MSR1: variants seen among roughly 807,000 people sequenced by gnomAD.
The protein encoded by MSR1 is macrophage scavenger receptor 1, also known as macrophage scavenger receptor types I and II.
A neutral mutation model predicts 47.2 loss-of-function variants in MSR1; 53 were observed. The observed-to-expected ratio is 1.12, with a 90% confidence interval of 0.90 to 1.41. The LOEUF (loss-of-function observed/expected upper bound fraction) is 1.41. Among genes scored for constraint, MSR1 ranks in the 40% most tolerant of loss-of-function variants. MSR1 has a pLI of 0.00. For synonymous variants in MSR1, 239 were observed against 185.6 expected (o/e 1.29, Z -2.34); for missense variants, 786 against 546.9 (o/e 1.44, Z -4.36).
chr8:16,156,288 A>T (rs1479711150), intron 5 of MSR1, among the ~76,000 whole-genome samples: 1 of 151,994 alleles, frequency 6.6e-6, no homozygotes, highest in Non-Finnish European at 1.5e-5. Flanking sequence ...CCCTGGTTAG[A>T]ATGCACTTGT....
At chr8:16,146,524 C>A (rs943833366) in intron 7 of MSR1, among the ~76,000 whole-genome samples, 1 of 152,058 alleles carries the variant, frequency 6.6e-6, no homozygotes, top group Non-Finnish European at 1.5e-5. Context: ...TGGTTATCAC[C>A]CCACCCCACA....
chr8:16,153,950 T>C (rs1241719300), intron 6 of MSR1, among the ~76,000 whole-genome samples: 1 of 151,996 alleles, frequency 6.6e-6, no homozygotes, highest in Non-Finnish European at 1.5e-5. Flanking sequence ...ACATCAATAC[T>C]AATACCACCT....
At chr8:16,180,473 C>T (rs1393086189) in intron 1 of MSR1, among the ~76,000 whole-genome samples, 1 of 152,144 alleles carries the variant, frequency 6.6e-6, no homozygotes, top group Admixed American at 6.5e-5. Context: ...TTTTAAGAAC[C>T]TTTTCCATAA....
At chr8:16,168,062 C>T (rs1208574822) in intron 4 of MSR1, among the ~76,000 whole-genome samples, 1 of 150,742 alleles carries the variant, frequency 6.6e-6, no homozygotes, top group Non-Finnish European at 1.5e-5. Context: ...CTGAGTGAAA[C>T]TTACAAATAA....
chr8:16,158,828 T>G (rs1301115449), intron 5 of MSR1, among the ~76,000 whole-genome samples: 1 of 151,928 alleles, frequency 6.6e-6, no homozygotes, highest in African/African-American at 2.4e-5. Flanking sequence ...TAAATTTAAT[T>G]GACTTCATTT....
rs573746117 is a variant in MSR1, at chr8:16,190,911, G to C, written c.-5+1687C>G. 2.6e-5 allele frequency among the ~76,000 whole-genome samples: 4 copies of C among 152,032 alleles called. No individual in the cohort carries two copies. In the South Asian group the frequency reaches 6.2e-4, roughly 24 times the overall value. On this transcript the variant is annotated intron_variant, in intron 1 of 9. Coordinates refer to ENST00000262101, the MANE Select transcript of MSR1 (RefSeq NM_138715.3). The stretch of plus-strand genomic sequence containing the variant: ...TAATTTTGTATTTTCAGTAGAGACA[G>C]GGTTTCTCCATGTTGGTCAGGCTGG...
intron 1 of MSR1, among the ~76,000 whole-genome samples, chr8:16,181,492 C>T (rs936871316): frequency 6.6e-6 from 1 of 152,094 alleles, no homozygotes; most frequent in Non-Finnish European, 1.5e-5. Context: ...AGTTCATGTC[C>T]TTTGCAGGGA....
chr8:16,187,364 C>CAAAAAAA (rs751848634), intron 1 of MSR1, among the ~76,000 whole-genome samples: 160 of 35,300 alleles, frequency 4.5e-3, no homozygotes, highest in Non-Finnish European at 5.3e-3. Flanking sequence ...ACTCTGTCTC[C>CAAAAAAA]AAAAAAAAAA....
rs761532249 is a variant in MSR1 at position 16,120,542 on chromosome 8, G to T, written c.1098C>A (p.Leu366=). The T allele has an allele frequency of 1.2e-5, 20 of 1,609,996 alleles. No homozygotes were observed. Among genetic ancestry groups the T allele is most frequent in the East Asian group, 4.5e-5 (2 of 44,584 alleles). ...SGPHEGRVEI[L]HSGQWGTICD... ...AAATTGTACCCCACTGGCCGCTGTGGAGTATCTCCACCCTCCCCTCGTGAG... is the reference window on the plus strand; with the variant it reads ...AAATTGTACCCCACTGGCCGCTGTGTAGTATCTCCACCCTCCCCTCGTGAG... Residue 366 remains leucine (L), a synonymous_variant, in exon 9 of 10, where the codon CTC becomes CTA. Coordinates refer to ENST00000262101, the MANE Select transcript of MSR1 (RefSeq NM_138715.3).
At chr8:16,165,199 C>T (rs539477989) in intron 4 of MSR1, among the ~76,000 whole-genome samples, 4 of 152,208 alleles carry the variant, frequency 2.6e-5, no homozygotes, top group Admixed American at 2.6e-4. Flanking sequence ...TTTTGTTCAA[C>T]CATTGCCGTA....
intron 4 of MSR1, among the ~76,000 whole-genome samples, chr8:16,167,224 C>T (rs1288510813): frequency 6.6e-6 from 1 of 152,088 alleles, no homozygotes. Context: ...AATTTGCTTT[C>T]AATTCCTCAT....
At chr8:16,137,757 T>C (rs1005697890) in intron 8 of MSR1, among the ~76,000 whole-genome samples, 15 of 151,940 alleles carry the variant, frequency 9.9e-5, no homozygotes, top group African/African-American at 3.6e-4. Flanking sequence ...TTTTGGGAGG[T>C]TGAGGCAGGA....
At chr8:16,113,620 T>C (rs1458988662) in intron 9 of MSR1, among the ~76,000 whole-genome samples, 3 of 152,264 alleles carry the variant, frequency 2.0e-5, no homozygotes, top group Admixed American at 1.3e-4. Context: ...TGGGTCAATA[T>C]AGCCTATAGT....
intron 8 of MSR1, among the ~76,000 whole-genome samples, chr8:16,137,819 C>T (rs990742466): frequency 2.4e-4 from 37 of 151,868 alleles, no homozygotes; most frequent in African/African-American, 4.8e-5. Flanking sequence ...TAGTGAGATC[C>T]CATTTTTATT....
intron 1 of MSR1, among the ~76,000 whole-genome samples, chr8:16,179,235 G>A (rs981087262): frequency 6.6e-6 from 1 of 152,126 alleles, no homozygotes; most frequent in South Asian, 2.1e-4. Context: ...GTCTGGATCT[G>A]AATGATCTGA....
intron 3 of MSR1, among the ~76,000 whole-genome samples, chr8:16,172,523 G>C (rs998861426): frequency 1.3e-5 from 2 of 152,084 alleles, no homozygotes; most frequent in Non-Finnish European, 2.9e-5. Context: ...CATATGAAAG[G>C]AGACAGAATT....
chr8:16,176,621 T>C (rs1449228822), intron 2 of MSR1, among the ~76,000 whole-genome samples: 3 of 152,110 alleles, frequency 2.0e-5, no homozygotes, highest in Non-Finnish European at 4.4e-5. Flanking sequence ...ACCTGCCAGG[T>C]TGATTAAGCC....
Position 16,143,572 on chromosome 8 carries a change from C to G in MSR1, c.1019G>C (p.Ser340Thr). ...TATATACTTACTTAATGTGTTTCCACTCCCCTTTTCCCCTTTCTGGCCTTT... is the reference window on the plus strand; with the variant it reads ...TATATACTTACTTAATGTGTTTCCAGTCCCCTTTTCCCCTTTCTGGCCTTT... ...GPKGQKGEKG[S>T]GNTLTPFTKV... is the part of the protein sequence containing the mutation. Residue 340 changes from serine (S) to threonine (T), a missense_variant, in exon 8 of 10, where the codon AGT (serine) becomes ACT (threonine). Coordinates refer to ENST00000262101, the MANE Select transcript of MSR1 (RefSeq NM_138715.3). The G allele has an allele frequency of 6.2e-7, 1 of 1,612,418 alleles. No individual in the cohort carries two copies. The highest frequency in any genetic ancestry group is 8.5e-7 in the Non-Finnish European group (1 of 1,178,846).
chr8:16,168,083 C>G (rs1224020368), intron 4 of MSR1, among the ~76,000 whole-genome samples: 1 of 152,054 alleles, frequency 6.6e-6, no homozygotes, highest in Admixed American at 6.6e-5. Flanking sequence ...AAAAAAAAAT[C>G]TAAGCATATC....
Sources: allele counts gnomAD v4.1 joint callset (sites outside exome capture counted in the v4.1 genomes callset), GRCh38; gene constraint gnomAD v4.1.1; transcripts MANE v1.5; gene names NCBI Gene and HGNC (gene_info 2026-07-23, HGNC 2026-07-21).